Variants in PRDM6 observed in about 807,000 individuals in gnomAD.
The protein encoded by PRDM6 is putative histone-lysine N-methyltransferase PRDM6.
Under a neutral mutation model 60.8 loss-of-function variants are expected in PRDM6, and 25 were observed. The observed-to-expected ratio is 0.41, with a 90% CI of 0.30 to 0.57. The LOEUF is 0.57. Ranked by LOEUF, PRDM6 falls within the 20% of genes least tolerant of loss-of-function variation. The probability of loss-of-function intolerance (pLI) is 0.27; values close to 1 mark genes in which losing one functional copy is unlikely to be tolerated. For synonymous variants in PRDM6, 407 were observed against 357.4 expected, an observed-to-expected ratio of 1.14 and a Z score of -1.57; for missense variants, 839 against 821.3, an observed-to-expected ratio of 1.02 and a Z score of -0.26.
rs574239324 is a variant in PRDM6 at position 123,111,717 on chromosome 5, A to C, written c.900+11756A>C. On this transcript the variant is annotated intron_variant, in intron 3 of 7. Transcript: ENST00000407847. ...CAAAACAAAACAAAACAAAAAAAAA[A>C]CAAAATGCCAGTCTCGTCCTTTCTC... Among the ~76,000 whole-genome samples the C allele has an allele frequency of 6.0e-3, 908 of 151,752 alleles. 9 individuals carry two copies. The highest frequency in any genetic ancestry group is 0.021 in the African/African-American group (862 of 41,384).
In PRDM6 at chr5:123,187,099, T is replaced by C. The variant is rs1165781393; in HGVS notation, c.1686T>C (p.Cys562=). Residue 562 remains cysteine, a synonymous_variant, in exon 8 of 8, where the codon TGT becomes TGC. Coordinates refer to ENST00000407847, the MANE Select transcript of PRDM6 (RefSeq NM_001136239.4). ...TGEKPFKCER[C]ERSFTQATQL... The stretch of plus-strand genomic sequence containing the variant: ...TTGCCTCCACCAGGTGCGAGAGGTG[T>C]GAGAGGAGCTTCACGCAGGCCACCC... 6.4e-7 allele frequency: 1 copy of C among 1,551,240 alleles called. No homozygotes were observed. Among genetic ancestry groups the C allele is most frequent in the South Asian group, 1.2e-5 (1 of 84,048 alleles).
chr5:123,095,319 C>T (rs570365757), intron 2 of PRDM6, among the ~76,000 whole-genome samples: 1 of 152,256 alleles, frequency 6.6e-6, no homozygotes, highest in Non-Finnish European at 1.5e-5. Flanking sequence ...CAGCCTTCGG[C>T]GCTGAGGCCT....
chr5:123,184,763 C>G (rs1433368949), intron 7 of PRDM6, among the ~76,000 whole-genome samples: 2 of 152,164 alleles, frequency 1.3e-5, no homozygotes, highest in Non-Finnish European at 2.9e-5. Flanking sequence ...AAGTCCTTCT[C>G]TTATTTTTAA....
chr5:123,169,569 C>T (rs1262030848), intron 5 of PRDM6, among the ~76,000 whole-genome samples: 1 of 152,112 alleles, frequency 6.6e-6, no homozygotes, highest in South Asian at 2.1e-4. Context: ...CTCATAGGGC[C>T]GAACATCTAT....
chr5:123,189,526 C>G lies in PRDM6; in HGVS notation c.*2325C>G, dbSNP rs1766363638. 1 of 152,172 alleles carries G rather than the reference C, an allele frequency of 6.6e-6. No individual in the cohort carries two copies. Among genetic ancestry groups the G allele is most frequent in the African/African-American group, 2.4e-5 (1 of 41,452 alleles). The allele number at this position is 152,172 out of a possible 1,614,324, so 9.4% of individuals were successfully genotyped here. A position where few individuals can be genotyped will look rare whatever the true frequency, so the allele number is the denominator to read the frequency against. On this transcript the variant is annotated 3_prime_UTR_variant, in exon 8 of 8. Coordinates refer to ENST00000407847, the MANE Select transcript of PRDM6 (RefSeq NM_001136239.4). ...AATGATCTCTCTGCCACCCTGATAG[C>G]TTTGCTAGCTGATCCCAAACTTCCA...
At position 123,187,212 on chromosome 5, in the gene PRDM6, G is replaced by A; in HGVS notation, c.*11G>A. On this transcript the variant is annotated 3_prime_UTR_variant, in exon 8 of 8. Transcript: ENST00000407847. ...ATCGAAGTGGATTAACGGATTGACT[G>A]GTTGGAATTAAACTGCAAGGAAAGT... The A allele has an allele frequency of 2.0e-6, 3 of 1,531,942 alleles. No homozygotes were observed. Among genetic ancestry groups the A allele is most frequent in the Non-Finnish European group, 2.7e-6 (3 of 1,129,372 alleles). The allele number at this position is 1,531,942 out of a possible 1,614,324, so 94.9% of individuals were successfully genotyped here. A position where few individuals can be genotyped will look rare whatever the true frequency, so the allele number is the denominator to read the frequency against.
chr5:123,120,700 C>A (rs1349549776), intron 3 of PRDM6, among the ~76,000 whole-genome samples: 1 of 152,100 alleles, frequency 6.6e-6, no homozygotes, highest in Non-Finnish European at 1.5e-5. Context: ...TCTAAACATG[C>A]CCTAGTGTAA....
At chr5:123,164,163 C>T (rs2407675) in intron 5 of PRDM6, among the ~76,000 whole-genome samples, 25 of 129,422 alleles carry the variant, frequency 1.9e-4, no homozygotes, top group African/African-American at 6.2e-4. Context: ...CAAGAGAACA[C>T]ATAAGCACAT....
At chr5:123,177,525 T>C (rs1178001113) in intron 6 of PRDM6, among the ~76,000 whole-genome samples, 2 of 152,172 alleles carry the variant, frequency 1.3e-5, no homozygotes, top group African/African-American at 4.8e-5. Context: ...CAAGGTTTGG[T>C]CCTATATTTT....
intron 4 of PRDM6, 56 bp downstream of exon 4, chr5:123,156,067 A>G (rs1765491456): frequency 2.0e-6 from 3 of 1,488,708 alleles, no homozygotes; most frequent in African/African-American, 1.4e-5. Context: ...GCTTGCATAT[A>G]CAAATTCAGG....
chr5:123,095,853 T>G (rs868538379), intron 2 of PRDM6, among the ~76,000 whole-genome samples: 12 of 152,228 alleles, frequency 7.9e-5, no homozygotes, highest in Non-Finnish European at 1.6e-4. Flanking sequence ...CGTTTTATAT[T>G]TCACCTTTCC....
At chr5:123,171,154 C>A (rs1282447007) in intron 6 of PRDM6, 46 bp downstream of exon 6, 2 of 1,421,956 alleles carry the variant, frequency 1.4e-6, no homozygotes. Context: ...TTAGTGAGAC[C>A]CACTGCTTGC....
intron 7 of PRDM6, among the ~76,000 whole-genome samples, chr5:123,182,412 A>G (rs1212650562): frequency 6.6e-6 from 1 of 152,228 alleles, no homozygotes; most frequent in Non-Finnish European, 1.5e-5. Flanking sequence ...AGCCAGACCA[A>G]TACAGTGCCA....
At chr5:123,150,339 G>A (rs1007902823) in intron 3 of PRDM6, among the ~76,000 whole-genome samples, 5 of 152,178 alleles carry the variant, frequency 3.3e-5, no homozygotes, top group South Asian at 4.1e-4. Context: ...CCCTATGGTC[G>A]CCCTTAACCA....
At position 123,119,787 on chromosome 5, in the gene PRDM6, G is replaced by A. The variant is rs140005543; in HGVS notation, c.900+19826G>A. On this transcript the variant is annotated intron_variant, in intron 3 of 7. Coordinates refer to ENST00000407847, the MANE Select transcript of PRDM6 (RefSeq NM_001136239.4). ...ATGATTCAGCCATTTAAAACCAGCA[G>A]TAATATCTTTTGTTTGGAAATTAAG... 7.2e-5 allele frequency among the ~76,000 whole-genome samples: 11 copies of A among 152,260 alleles called. No individual in the cohort carries two copies. In the East Asian group the frequency reaches 2.1e-3, roughly 29 times the overall value.
At chr5:123,187,060 C>A (rs1314683978) in intron 7 of PRDM6, 27 bp from the exon 8 acceptor site, 2 of 1,526,650 alleles carry the variant, frequency 1.3e-6, no homozygotes, top group South Asian at 1.2e-5. Context: ...GCTCCCTGGT[C>A]TCAATTTTCT....
intron 7 of PRDM6, among the ~76,000 whole-genome samples, chr5:123,182,652 G>A (rs145708431): frequency 2.4e-3 from 363 of 152,140 alleles, no homozygotes; most frequent in Admixed American, 4.1e-3. Context: ...TATTTGAAGG[G>A]CTTTGCTGAT....
intron 6 of PRDM6, among the ~76,000 whole-genome samples, chr5:123,178,993 T>G (rs1033373014): frequency 6.6e-6 from 1 of 152,178 alleles, no homozygotes. Flanking sequence ...TGAATGCTGT[T>G]AATATCCCTC....
chr5:123,139,514 T>TTG (rs951275371), intron 3 of PRDM6, among the ~76,000 whole-genome samples: 14 of 151,216 alleles, frequency 9.3e-5, no homozygotes, highest in African/African-American at 1.2e-4. Context: ...TTTTTGGGAG[T>TTG]TGTGTGTGTG....
Sources: allele counts gnomAD v4.1 joint callset (sites outside exome capture counted in the v4.1 genomes callset), GRCh38; gene constraint gnomAD v4.1.1; transcripts MANE v1.5; gene names NCBI Gene and HGNC (gene_info 2026-07-23, HGNC 2026-07-21).